PPP2R2B: variants seen among roughly 807,000 people sequenced by gnomAD.
PPP2R2B encodes the protein serine/threonine-protein phosphatase 2A 55 kDa regulatory subunit B beta isoform.
PPP2R2B carries 5 observed loss-of-function variants against 46.0 expected under a neutral mutation model. The ratio of observed to expected loss-of-function variants is 0.11; its 90% CI spans 0.06 to 0.23. The LOEUF is 0.23. PPP2R2B is among the 10% of genes least tolerant of loss of function. The probability of loss-of-function intolerance (pLI) is 1.00; values close to 1 mark genes in which losing one functional copy is unlikely to be tolerated. For synonymous variants in PPP2R2B, 215 were observed against 206.7 expected (o/e 1.04, Z -0.34); for missense variants, 367 against 575.0 (o/e 0.64, Z 3.70).
chr5:146,689,745 A>G (rs1441792672), intron 5 of PPP2R2B, among the ~76,000 whole-genome samples: 1 of 152,214 alleles, frequency 6.6e-6, no homozygotes, highest in Non-Finnish European at 1.5e-5. Flanking sequence ...AAACCCCTGC[A>G]CATTCAGAGC....
At chr5:146,911,618 G>A (rs966520743) in intron 1 of PPP2R2B, among the ~76,000 whole-genome samples, 30 of 152,196 alleles carry the variant, frequency 2.0e-4, no homozygotes, top group Admixed American at 1.8e-3. Flanking sequence ...AGCCAGGGAC[G>A]AGGAAGACAC....
chr5:146,831,051 T>C (rs1758895495), intron 2 of PPP2R2B, among the ~76,000 whole-genome samples: 2 of 152,130 alleles, frequency 1.3e-5, no homozygotes, highest in African/African-American at 4.8e-5. Flanking sequence ...CTGTCAGTTG[T>C]ATAAAAGTAG....
At chr5:146,838,231 G>C (rs963525743) in intron 2 of PPP2R2B, among the ~76,000 whole-genome samples, 11 of 152,260 alleles carry the variant, frequency 7.2e-5, no homozygotes, top group Admixed American at 7.2e-4. Context: ...TTTTATAAGA[G>C]AGAAATGTGA....
intron 1 of PPP2R2B, among the ~76,000 whole-genome samples, chr5:147,007,336 T>C (rs970567784): frequency 6.6e-6 from 1 of 152,064 alleles, no homozygotes; most frequent in Admixed American, 6.6e-5. Flanking sequence ...GGGACTTGGA[T>C]AACTTTTCTG....
intron 1 of PPP2R2B, among the ~76,000 whole-genome samples, chr5:146,891,283 A>G (rs562895431): frequency 6.6e-6 from 1 of 152,392 alleles, no homozygotes; most frequent in South Asian, 2.1e-4. Flanking sequence ...AAAGATTATA[A>G]TAGGATCCAC....
intron 2 of PPP2R2B, among the ~76,000 whole-genome samples, chr5:146,877,709 G>A (rs571464755): frequency 6.6e-6 from 1 of 152,242 alleles, no homozygotes; most frequent in Non-Finnish European, 1.5e-5. Context: ...GGGGTCATCT[G>A]CCTTCCTGGG....
At chr5:146,606,326 T>TAACA (rs1470127917) in intron 7 of PPP2R2B, among the ~76,000 whole-genome samples, 2 of 152,142 alleles carry the variant, frequency 1.3e-5, no homozygotes, top group African/African-American at 4.8e-5. Context: ...CCAAGACCAC[T>TAACA]AACAGCTGAT....
At chr5:146,954,960 G>T (rs1267838469) in intron 1 of PPP2R2B, among the ~76,000 whole-genome samples, 1 of 152,108 alleles carries the variant, frequency 6.6e-6, no homozygotes, top group Non-Finnish European at 1.5e-5. Flanking sequence ...TTCTCTGAAT[G>T]CTTACTGTAT....
chr5:147,058,112 C>T (rs1439460541), upstream of PPP2R2B, among the ~76,000 whole-genome samples: 1 of 152,158 alleles, frequency 6.6e-6, no homozygotes, highest in African/African-American at 2.4e-5. Flanking sequence ...ATCCCTACTG[C>T]CTCACCTAGT....
chr5:147,069,785 G>GTTTTTTTTTTTTT lies in PPP2R2B; in HGVS notation c.50+11261_50+11273dup, dbSNP rs540998224. ...CTCCCACATGAACACATTTTATACTGTTTTTTTTTTTTTTTTTTTTTTTGA... is the reference window on the plus strand; with the variant it reads ...CTCCCACATGAACACATTTTATACTGTTTTTTTTTTTTTTTTTTTTTTTTTTTTTTTTTTTTGA... On this transcript the variant is annotated intron_variant, in intron 2 of 10. Transcript: ENST00000394413. Among the ~76,000 whole-genome samples the GTTTTTTTTTTTTT allele has an allele frequency of 6.5e-3, 419 of 64,788 alleles. 103 individuals are homozygous for GTTTTTTTTTTTTT. The highest frequency in any genetic ancestry group is 0.011 in the African/African-American group (144 of 13,258). The allele number at this position is 64,788 out of a possible 152,430, so 42.5% of individuals were successfully genotyped here. A position where few individuals can be genotyped will look rare whatever the true frequency, so the allele number is the denominator to read the frequency against.
At position 146,650,653 on chromosome 5, in the gene PPP2R2B, T is replaced by A. The variant is rs1425840485; in HGVS notation, c.519A>T (p.Thr173=). 2 of 1,613,984 alleles carry A rather than the reference T, an allele frequency of 1.2e-6. No individual in the cohort carries two copies. Among genetic ancestry groups the A allele is most frequent in the African/African-American group, 2.7e-5 (2 of 74,952 alleles). Residue 173 remains threonine, a synonymous_variant, in exon 6 of 10, where the codon ACA becomes ACT. Coordinates refer to ENST00000394411, the MANE Select transcript of PPP2R2B (RefSeq NM_181675.4). Reference sequence around the variant, plus strand: ...TGACAGATATGGAGTTGATGTGATATGTGTGTGCGTTGGCAAATACTCTTC... The same window carrying A: ...TGACAGATATGGAGTTGATGTGATAAGTGTGTGCGTTGGCAAATACTCTTC... The part of the protein sequence containing the change: ...TPRRVFANAH[T]YHINSISVNS...
intron 5 of PPP2R2B, among the ~76,000 whole-genome samples, chr5:146,684,613 G>A (rs1329527144): frequency 1.3e-5 from 2 of 152,298 alleles, no homozygotes; most frequent in East Asian, 1.9e-4. Flanking sequence ...GGATCCTTGG[G>A]AGCATCAAAT....
chr5:146,652,673 A>T (rs1239832970), intron 5 of PPP2R2B, among the ~76,000 whole-genome samples: 4 of 152,154 alleles, frequency 2.6e-5, no homozygotes, highest in Non-Finnish European at 5.9e-5. Context: ...GGCAAGAGTG[A>T]AAAACTGATA....
chr5:147,067,563 C>T (rs1757451765), intron 2 of PPP2R2B, among the ~76,000 whole-genome samples: 2 of 152,142 alleles, frequency 1.3e-5, no homozygotes, highest in Non-Finnish European at 2.9e-5. Context: ...ACTCTAATCC[C>T]TTAATGCCAC....
At chr5:146,736,533 C>T (rs1224932320) in intron 2 of PPP2R2B, among the ~76,000 whole-genome samples, 14 of 152,160 alleles carry the variant, frequency 9.2e-5, no homozygotes. Flanking sequence ...CCTCATATGT[C>T]TAAAGCCCAT....
rs1238607758 is a variant in PPP2R2B at position 146,886,380 on chromosome 5, A to AT, written c.79+169284_79+169285insA. On this transcript the variant is annotated intron_variant, in intron 1 of 8. Coordinates refer to the PPP2R2B transcript ENST00000336640. ...ATAAATAAATAAATAATAAAACTAA[A>AT]ATAAAATAAAATAAATTTGGAGCAA... Among the ~76,000 whole-genome samples, 11 of 91,654 alleles carry AT rather than the reference A, an allele frequency of 1.2e-4. 1 individual carries two copies. In the East Asian group the frequency reaches 3.3e-3, roughly 27 times the overall value. 60.1% of individuals were successfully genotyped at this position (91,654 alleles called of 152,430 possible).
intron 1 of PPP2R2B, among the ~76,000 whole-genome samples, chr5:146,890,066 C>T (rs564374549): frequency 1.3e-5 from 2 of 152,264 alleles, no homozygotes; most frequent in African/African-American, 2.4e-5. Flanking sequence ...TTTTGTTTTG[C>T]GTCATATGCA....
intron 9 of PPP2R2B, chr5:146,591,953 C>T: frequency 7.5e-6 from 2 of 266,210 alleles, no homozygotes; most frequent in Non-Finnish European, 1.4e-5. Context: ...TAGTAGGTGC[C>T]TAATAAGTGT....
intron 1 of PPP2R2B, among the ~76,000 whole-genome samples, chr5:146,889,881 T>TA (rs1762441488): frequency 6.6e-6 from 1 of 152,184 alleles, no homozygotes; most frequent in Admixed American, 6.5e-5. Flanking sequence ...AAGTTATAGC[T>TA]AAAAAATGGG....
Sources: allele counts gnomAD v4.1 joint callset (sites outside exome capture counted in the v4.1 genomes callset), GRCh38; gene constraint gnomAD v4.1.1; transcripts MANE v1.5; gene names NCBI Gene and HGNC (gene_info 2026-07-23, HGNC 2026-07-21).